The following CLDN14 variants were observed in gnomAD, a reference collection of about 807,000 sequenced individuals.
CLDN14 encodes the protein claudin-14.
In CLDN14, 2 loss-of-function variants were observed where a neutral mutation model predicts 2.1. The ratio of observed to expected loss-of-function variants is 0.96; its 90% CI spans 0.39 to 3.01. CLDN14 has a LOEUF of 3.01. CLDN14 is among the 30% of genes most tolerant of loss of function. The pLI is 0.09. For missense variants in CLDN14, 298 were observed against 328.0 expected, an observed-to-expected ratio of 0.91 and a Z score of 0.71; for synonymous variants, 136 against 154.4, an observed-to-expected ratio of 0.88 and a Z score of 0.88.
intron 1 of CLDN14, among the ~76,000 whole-genome samples, chr21:36,555,239 C>A (rs541935053): frequency 6.6e-6 from 1 of 152,116 alleles, no homozygotes; most frequent in East Asian, 1.9e-4. Context: ...GGGTTTCAAG[C>A]GAATTGCCAA....
At chr21:36,479,039 A>C (rs996057110) in intron 1 of CLDN14, among the ~76,000 whole-genome samples, 1 of 152,160 alleles carries the variant, frequency 6.6e-6, no homozygotes, top group Non-Finnish European at 1.5e-5. Context: ...AGGGAGCAGG[A>C]GAATGTTCCC....
chr21:36,492,999 G>C (rs541214845), intron 2 of CLDN14, among the ~76,000 whole-genome samples: 16 of 152,244 alleles, frequency 1.1e-4, no homozygotes, highest in Non-Finnish European at 1.8e-4. Context: ...AGACGAGTCA[G>C]ACAAGATCGC....
rs138461948 is a variant in CLDN14, at chr21:36,510,143, C to G, written c.-82+220G>C. On this transcript the variant is annotated intron_variant, in intron 2 of 2. Transcript: ENST00000342108. ...GGGGAAAGCATAGCTCTGGGCCAGT[C>G]AAGCGCTGAGCTGATCCAAGACATT... 3.3e-3 allele frequency among the ~76,000 whole-genome samples: 506 copies of G among 152,332 alleles called. 3 individuals are homozygous for G. Among genetic ancestry groups the G allele is most frequent in the African/African-American group, 0.011 (473 of 41,576 alleles).
At chr21:36,528,330 TATC>T (rs1445246288) in intron 1 of CLDN14, among the ~76,000 whole-genome samples, 1 of 152,218 alleles carries the variant, frequency 6.6e-6, no homozygotes, top group South Asian at 2.1e-4. Context: ...CCAGGAATAT[TATC>T]ATCATCTTCC....
intron 1 of CLDN14, among the ~76,000 whole-genome samples, chr21:36,560,385 A>G (rs1375942654): frequency 6.6e-6 from 1 of 152,192 alleles, no homozygotes; most frequent in Middle Eastern, 3.2e-3. Context: ...GTGGCATCCA[A>G]CCTTAAGTGT....
intron 1 of CLDN14, among the ~76,000 whole-genome samples, chr21:36,514,103 G>A (rs1795864963): frequency 2.0e-5 from 3 of 152,060 alleles, no homozygotes; most frequent in Admixed American, 1.3e-4. Flanking sequence ...TGATCCTCCT[G>A]CCTCAGCCTC....
chr21:36,501,492 A>G (rs2087092182), intron 2 of CLDN14, among the ~76,000 whole-genome samples: 1 of 151,720 alleles, frequency 6.6e-6, no homozygotes, highest in Non-Finnish European at 1.5e-5. Context: ...AGCACAGACA[A>G]GGTCCCCCTG....
chr21:36,492,231 G>A (rs2086973857), intron 2 of CLDN14, among the ~76,000 whole-genome samples: 3 of 127,090 alleles, frequency 2.4e-5, no homozygotes, highest in Admixed American at 1.5e-4. Context: ...TCAGGAGATC[G>A]AGACCATCCT....
intron 1 of CLDN14, among the ~76,000 whole-genome samples, chr21:36,559,918 T>C (rs1422729101): frequency 1.3e-5 from 2 of 152,214 alleles, no homozygotes; most frequent in African/African-American, 4.8e-5. Flanking sequence ...TTGAATCATT[T>C]ATCTGTATTT....
chr21:36,554,998 C>T (rs1330063155), intron 1 of CLDN14, among the ~76,000 whole-genome samples: 1 of 152,246 alleles, frequency 6.6e-6, no homozygotes, highest in Non-Finnish European at 1.5e-5. Context: ...GCAGGGTCCC[C>T]TGAGAGCAAC....
At chr21:36,518,083 C>T (rs1235874212) in intron 1 of CLDN14, among the ~76,000 whole-genome samples, 1 of 52,382 alleles carries the variant, frequency 1.9e-5, no homozygotes, top group Non-Finnish European at 7.3e-5. Flanking sequence ...CGTACACACA[C>T]ACACACACAC....
At chr21:36,492,294 C>T (rs1231039632) in intron 2 of CLDN14, among the ~76,000 whole-genome samples, 4 of 142,704 alleles carry the variant, frequency 2.8e-5, no homozygotes, top group Non-Finnish European at 6.0e-5. Context: ...ATTAGCCGGG[C>T]GCGGTGGCGG....
chr21:36,550,396 A>C (rs1023807117), intron 1 of CLDN14, among the ~76,000 whole-genome samples: 1 of 152,112 alleles, frequency 6.6e-6, no homozygotes, highest in Non-Finnish European at 1.5e-5. Context: ...CTTTACCTTC[A>C]TTGGTGTGGA....
chr21:36,556,381 C>G (rs954570319), intron 1 of CLDN14, among the ~76,000 whole-genome samples: 9 of 152,144 alleles, frequency 5.9e-5, no homozygotes, highest in Admixed American at 5.2e-4. Context: ...GGCCCTGGAC[C>G]TTTTTGTGCT....
intron 1 of CLDN14, among the ~76,000 whole-genome samples, chr21:36,542,333 TC>T (rs954262914): frequency 2.6e-5 from 4 of 152,276 alleles, no homozygotes; most frequent in Admixed American, 1.3e-4. Flanking sequence ...AATTCTGACT[TC>T]CCTCACCTTG....
chr21:36,519,715 C>A (rs762864077), intron 1 of CLDN14, among the ~76,000 whole-genome samples: 1 of 60,980 alleles, frequency 1.6e-5, no homozygotes, highest in African/African-American at 3.6e-5. Flanking sequence ...GTCTAAAAAA[C>A]AACAACAACA....
chr21:36,561,029 G>A (rs922369337), intron 1 of CLDN14, among the ~76,000 whole-genome samples: 1 of 152,116 alleles, frequency 6.6e-6, no homozygotes, highest in Admixed American at 6.6e-5. Flanking sequence ...TTTTATGATT[G>A]GTTTCAATAA....
intron 2 of CLDN14, among the ~76,000 whole-genome samples, chr21:36,489,193 GGA>G (rs1436151024): frequency 2.9e-5 from 4 of 140,192 alleles, no homozygotes; most frequent in Admixed American, 2.2e-4. Flanking sequence ...ATGGGGGGCG[GGA>G]GAGAGAGAGA....
intron 1 of CLDN14, among the ~76,000 whole-genome samples, chr21:36,554,351 G>A (rs1481780075): frequency 6.6e-6 from 1 of 152,096 alleles, no homozygotes; most frequent in Admixed American, 6.5e-5. Context: ...GGCGCTCCAG[G>A]AACACAGACC....
Sources: gnomAD v4.1 joint callset for allele counts (sites outside exome capture counted in the v4.1 genomes callset) on GRCh38, gnomAD v4.1.1 for gene constraint, MANE v1.5 for transcripts, NCBI Gene and HGNC (gene_info 2026-07-23, HGNC 2026-07-21) for gene names.